The following TMEM156 variants were observed in gnomAD, a reference collection of about 807,000 sequenced individuals.
TMEM156 encodes the protein transmembrane protein 156.
A neutral mutation model predicts 30.5 loss-of-function variants in TMEM156; 28 were observed. That is an observed-to-expected ratio of 0.92 (90% CI 0.68 to 1.26). The LOEUF (loss-of-function observed/expected upper bound fraction) is 1.26. Among genes scored for constraint, TMEM156 ranks in the 50% most tolerant of loss-of-function variants. TMEM156 has a pLI of 0.00. For synonymous variants in TMEM156, 137 were observed against 119.9 expected (o/e 1.14, Z -0.93); for missense variants, 351 against 340.6 (o/e 1.03, Z -0.24).
intron 1 of TMEM156, among the ~76,000 whole-genome samples, chr4:39,015,509 C>A (rs1463277442): frequency 6.6e-6 from 1 of 152,118 alleles, no homozygotes; most frequent in Non-Finnish European, 1.5e-5. Flanking sequence ...CTGGAAACAG[C>A]CAGAAAATGG....
rs756361644 is a variant in TMEM156, at chr4:39,032,222, T to C, written c.88+4A>G. 8 of 1,562,252 alleles carry C rather than the reference T, an allele frequency of 5.1e-6. No individual in the cohort carries two copies. The Admixed American group carries it at 1.4e-4, about 27-fold the overall frequency. On this transcript the variant is annotated splice_donor_region_variant and intron_variant, in intron 1 of 6. Transcript: ENST00000381938. ...GGAAAGCTAGATTACAATTATATAC[T>C]CACCTTTCGGTGTCTTGAAATATTC...
At chr4:38,992,257 G>A (rs985597446) in intron 3 of TMEM156, among the ~76,000 whole-genome samples, 2 of 127,674 alleles carry the variant, frequency 1.6e-5, no homozygotes, top group African/African-American at 2.9e-5. Flanking sequence ...GTGAGGGGTC[G>A]CCCTCTTTCA....
intron 1 of TMEM156, among the ~76,000 whole-genome samples, chr4:39,012,999 T>C (rs1714223994): frequency 6.6e-6 from 1 of 150,598 alleles, no homozygotes; most frequent in African/African-American, 2.4e-5. Flanking sequence ...TTGGAAGTGT[T>C]GGAAAAGAGT....
In TMEM156 at chr4:38,984,345, C is replaced by CTGTGTGTGTG. The variant is rs770530490; in HGVS notation, c.823+1990_823+1991insCACACACACA. ...TCTCTTTCTCTCTGTCTCTCTCTCTCTCTCTGTGTGTGTGTGTGTGTGTGT... is the reference window on the plus strand; with the variant it reads ...TCTCTTTCTCTCTGTCTCTCTCTCTCTGTGTGTGTGTCTCTGTGTGTGTGTGTGTGTGTGT... On this transcript the variant is annotated intron_variant, in intron 5 of 6. Coordinates refer to ENST00000381938, the MANE Select transcript of TMEM156 (RefSeq NM_024943.3). Among the ~76,000 whole-genome samples, 590 of 114,862 alleles carry CTGTGTGTGTG rather than the reference C, an allele frequency of 5.1e-3. 3 individuals are homozygous for CTGTGTGTGTG. Among genetic ancestry groups the CTGTGTGTGTG allele is most frequent in the Middle Eastern group, 0.014 (4 of 278 alleles). The allele number at this position is 114,862 out of a possible 152,430, so 75.4% of individuals were successfully genotyped here. A position where few individuals can be genotyped will look rare whatever the true frequency, so the allele number is the denominator to read the frequency against.
At chr4:38,998,556 A>C in intron 2 of TMEM156, 84 bp downstream of exon 2, 1 of 1,271,544 alleles carries the variant, frequency 7.9e-7, no homozygotes, top group Non-Finnish European at 1.0e-6. Flanking sequence ...AAAAAAAAAA[A>C]GAATATATTA....
intron 1 of TMEM156, among the ~76,000 whole-genome samples, chr4:39,023,485 A>G (rs1714999704): frequency 6.6e-6 from 1 of 152,226 alleles, no homozygotes; most frequent in Non-Finnish European, 1.5e-5. Flanking sequence ...ACTTTGCAAC[A>G]AAAAGATAGG....
At chr4:38,989,766 A>G (rs1460204233) in intron 3 of TMEM156, among the ~76,000 whole-genome samples, 2 of 148,702 alleles carry the variant, frequency 1.3e-5, no homozygotes, top group Admixed American at 6.8e-5. Flanking sequence ...CTACTGACTC[A>G]TTTTTTATTT....
intron 1 of TMEM156, among the ~76,000 whole-genome samples, chr4:39,019,190 C>G (rs937276462): frequency 1.3e-5 from 2 of 151,902 alleles, no homozygotes; most frequent in Admixed American, 6.6e-5. Context: ...TTGCCTTTAC[C>G]CTATTCTATT....
Position 39,024,870 on chromosome 4 carries a change from C to T in TMEM156, c.88+7356G>A, listed in dbSNP as rs1344803431. Among the ~76,000 whole-genome samples the T allele has an allele frequency of 3.3e-5, 5 of 152,256 alleles. No individual in the cohort carries two copies. The East Asian group carries it at 9.6e-4, about 29-fold the overall frequency. On this transcript the variant is annotated intron_variant, in intron 1 of 6. Transcript: ENST00000381938. ...CCATTTTATCGTATGTAAATTATGC[C>T]TGTTAAAAACATAGTCGATTATTTC...
Position 38,994,937 on chromosome 4 carries a change from C to CA in TMEM156, c.359-940dup, listed in dbSNP as rs1195711338. On this transcript the variant is annotated intron_variant, in intron 2 of 6. Transcript: ENST00000381938. ...TGGGTAACAGAAGGAGACTCAGTCT[C>CA]AAAAAAAAAAAGAAAAGAACAGAAG... Among the ~76,000 whole-genome samples, 184 of 137,430 alleles carry CA rather than the reference C, an allele frequency of 1.3e-3. 1 individual carries two copies. The highest frequency in any genetic ancestry group is 3.2e-3 in the African/African-American group (118 of 37,316). 90.2% of individuals were successfully genotyped at this position (137,430 alleles called of 152,430 possible). A position where few individuals can be genotyped will look rare whatever the true frequency, so the allele number is the denominator to read the frequency against.
At position 39,024,721 on chromosome 4, in the gene TMEM156, A is replaced by G. The variant is rs58988872; in HGVS notation, c.88+7505T>C. ...TCAGGAAAAATAACTAATGGGTACT[A>G]GGCTCAATACCTAGATGATGAAATC... On this transcript the variant is annotated intron_variant, in intron 1 of 6. Coordinates refer to ENST00000381938, the MANE Select transcript of TMEM156 (RefSeq NM_024943.3). Among the ~76,000 whole-genome samples the G allele has an allele frequency of 2.9e-3, 448 of 152,326 alleles. 4 individuals carry two copies. The highest frequency in any genetic ancestry group is 0.01 in the African/African-American group (431 of 41,576).
At chr4:38,989,136 A>T (rs1415430563) in intron 3 of TMEM156, among the ~76,000 whole-genome samples, 166 bp from the exon 4 acceptor site, 1 of 152,220 alleles carries the variant, frequency 6.6e-6, no homozygotes, top group Non-Finnish European at 1.5e-5. Flanking sequence ...TTCTTTCTTG[A>T]TATATGAAAT....
chr4:38,992,682 T>TATATAATATATTATATAATATA (rs374942430), intron 3 of TMEM156, among the ~76,000 whole-genome samples: 2 of 45,670 alleles, frequency 4.4e-5, no homozygotes, highest in African/African-American at 1.4e-4. Flanking sequence ...ATATAATATA[T>TATATAATATATTATATAATATA]TATATAATAT....
intron 4 of TMEM156, 29 bp from the exon 5 acceptor site, chr4:38,986,448 A>G: frequency 7.9e-6 from 12 of 1,513,246 alleles, no homozygotes; most frequent in Non-Finnish European, 1.1e-5. Context: ...TGAAGTATTT[A>G]GATGATAAAC....
chr4:38,984,345 CTCTCTGTGTG>C (rs1560360239), intron 5 of TMEM156, among the ~76,000 whole-genome samples: 5 of 114,860 alleles, frequency 4.4e-5, no homozygotes, highest in South Asian at 5.4e-4. Context: ...CTCTCTCTCT[CTCTCTGTGTG>C]TGTGTGTGTG....
rs59087758 is a variant in TMEM156 at position 38,986,807 on chromosome 4, C to CAAA, written c.740-391_740-389dup. ...TGGACGAAAGAGTGAGACTCCATCT[C>CAAA]AAAAAAAAAAAAAAAAAAAAAAAAA... On this transcript the variant is annotated intron_variant, in intron 4 of 6. Coordinates refer to ENST00000381938, the MANE Select transcript of TMEM156 (RefSeq NM_024943.3). Among the ~76,000 whole-genome samples the CAAA allele has an allele frequency of 1.1e-3, 27 of 23,746 alleles. 3 individuals are homozygous for CAAA. The highest frequency in any genetic ancestry group is 1.2e-3 in the Admixed American group (2 of 1,608). The allele number at this position is 23,746 out of a possible 152,430, so 15.6% of individuals were successfully genotyped here.
intron 1 of TMEM156, among the ~76,000 whole-genome samples, chr4:39,014,060 C>T (rs1343809954): frequency 6.6e-6 from 1 of 152,060 alleles, no homozygotes; most frequent in Non-Finnish European, 1.5e-5. Flanking sequence ...TCCAATAAAA[C>T]TTTATTTATG....
intron 5 of TMEM156, among the ~76,000 whole-genome samples, chr4:38,978,788 T>G (rs563518805): frequency 7.1e-4 from 108 of 152,276 alleles, no homozygotes; most frequent in Non-Finnish European, 1.2e-3. Context: ...GGAATGCATT[T>G]TTTTTTTCTT....
chr4:38,984,274 G>A (rs1419971762), intron 5 of TMEM156, among the ~76,000 whole-genome samples: 1 of 151,822 alleles, frequency 6.6e-6, no homozygotes, highest in African/African-American at 2.4e-5. Context: ...CTTGTAGGAT[G>A]AATAAGCTTC....
Sources: gnomAD v4.1 joint callset for allele counts (sites outside exome capture counted in the v4.1 genomes callset) on GRCh38, gnomAD v4.1.1 for gene constraint, MANE v1.5 for transcripts, NCBI Gene and HGNC (gene_info 2026-07-23, HGNC 2026-07-21) for gene names.